TET1: variants seen among roughly 807,000 people sequenced by gnomAD.
The protein encoded by TET1 is methylcytosine dioxygenase TET1.
TET1 carries 13 observed loss-of-function variants against 148.7 expected under a neutral mutation model. The ratio of observed to expected loss-of-function variants is 0.09; its 90% CI spans 0.06 to 0.14. The LOEUF (loss-of-function observed/expected upper bound fraction) is 0.14, where lower values mean the gene tolerates loss of function less well. Among genes scored for constraint, TET1 ranks in the 10% least tolerant of loss-of-function variants. TET1 has a pLI of 1.00. For missense variants in TET1, 2,182 were observed against 2,553.8 expected (o/e 0.85, Z 3.14); for synonymous variants, 907 against 937.2 (o/e 0.97, Z 0.59).
rs1413222565 is a variant in TET1, at chr10:68,693,677, T to C, written c.*1863T>C. On this transcript the variant is annotated 3_prime_UTR_variant, in exon 12 of 12. Coordinates refer to ENST00000373644, the MANE Select transcript of TET1 (RefSeq NM_030625.3). ...ATTTCCGTTTTAAGACATGTATATTTTTGTGAGCCTAAGGTTTCTTATATA... is the reference window on the plus strand; with the variant it reads ...ATTTCCGTTTTAAGACATGTATATTCTTGTGAGCCTAAGGTTTCTTATATA... 4.3e-5 allele frequency: 10 copies of C among 232,054 alleles called. No homozygotes were observed. Among genetic ancestry groups the C allele is most frequent in the Non-Finnish European group, 5.1e-5 (6 of 117,460 alleles). 14.4% of individuals were successfully genotyped at this position (232,054 alleles called of 1,614,324 possible). A position where few individuals can be genotyped will look rare whatever the true frequency, so the allele number is the denominator to read the frequency against.
chr10:68,585,868 C>T (rs1183726633), intron 2 of TET1, among the ~76,000 whole-genome samples: 1 of 151,834 alleles, frequency 6.6e-6, no homozygotes, highest in African/African-American at 2.4e-5. Flanking sequence ...ATTAGCCAGG[C>T]ATGGTGGTGT....
chr10:68,597,807 C>A (rs961343331), intron 2 of TET1, among the ~76,000 whole-genome samples: 4 of 151,950 alleles, frequency 2.6e-5, no homozygotes, highest in African/African-American at 9.7e-5. Context: ...ATGGATGAAC[C>A]TTGTAAATAT....
intron 11 of TET1, among the ~76,000 whole-genome samples, chr10:68,687,997 C>A (rs147512676): frequency 3.0e-4 from 46 of 152,120 alleles, no homozygotes; most frequent in African/African-American, 1.0e-3. Context: ...TTCACAGACA[C>A]AATCATAGCA....
intron 2 of TET1, among the ~76,000 whole-genome samples, chr10:68,599,653 C>A (rs1040124270): frequency 6.6e-6 from 1 of 152,164 alleles, no homozygotes; most frequent in Non-Finnish European, 1.5e-5. Context: ...TGGGTGGTTC[C>A]GTCTGACCGC....
At chr10:68,674,525 T>C (rs1713336129) in intron 8 of TET1, 4 of 510,396 alleles carry the variant, frequency 7.8e-6, no homozygotes, top group Non-Finnish European at 1.5e-5. Flanking sequence ...TTGAAGTGAG[T>C]CTTGCTGATA....
At chr10:68,608,059 G>T (rs1005886226) in intron 3 of TET1, among the ~76,000 whole-genome samples, 1 of 151,118 alleles carries the variant, frequency 6.6e-6, no homozygotes, top group Non-Finnish European at 1.5e-5. Context: ...CTCCGGAGTA[G>T]CTGGGACTAC....
At chr10:68,661,196 A>ATTTTT (rs974912892) in intron 6 of TET1, among the ~76,000 whole-genome samples, 21 of 78,602 alleles carry the variant, frequency 2.7e-4, no homozygotes, top group African/African-American at 1.0e-3. Flanking sequence ...CGCCTGGCTA[A>ATTTTT]TTTTTTTTTT....
chr10:68,672,449 C>T (rs1438884757), intron 7 of TET1, among the ~76,000 whole-genome samples: 3 of 116,818 alleles, frequency 2.6e-5, no homozygotes, highest in African/African-American at 3.4e-5. Context: ...GATTGTGCCA[C>T]GGCAATCCAC....
At chr10:68,576,185 T>C (rs1399753270) in intron 2 of TET1, among the ~76,000 whole-genome samples, 1 of 151,980 alleles carries the variant, frequency 6.6e-6, no homozygotes, top group African/African-American at 2.4e-5. Context: ...ACCCCATCTC[T>C]ACTAACAATA....
At chr10:68,678,239 T>TG (rs1313505963) in intron 8 of TET1, among the ~76,000 whole-genome samples, 1 of 151,950 alleles carries the variant, frequency 6.6e-6, no homozygotes, top group Non-Finnish European at 1.5e-5. Context: ...TTATATGGGG[T>TG]GGGGGGTTCA....
chr10:68,652,376 AG>A (rs1554808581), intron 5 of TET1, 124 bp from the exon 6 acceptor site: 2 of 402,710 alleles, frequency 5.0e-6, no homozygotes, highest in Non-Finnish European at 7.9e-6. Context: ...TAAATTACGA[AG>A]AGTGTCTAAT....
chr10:68,642,217 A>C (rs191666982), intron 3 of TET1, among the ~76,000 whole-genome samples: 1 of 152,208 alleles, frequency 6.6e-6, no homozygotes, highest in African/African-American at 2.4e-5. Flanking sequence ...GCTTCAGTCC[A>C]GCACTTCAAA....
At chr10:68,626,501 T>C (rs1235850042) in intron 3 of TET1, among the ~76,000 whole-genome samples, 1 of 151,806 alleles carries the variant, frequency 6.6e-6, no homozygotes, top group South Asian at 2.1e-4. Flanking sequence ...GCACCTGGCC[T>C]AGACATTTAT....
rs185462500 is a variant in TET1, at chr10:68,583,804, A to G, written c.1914+9552A>G. ...CGCGTGTCTGTAGTCCTAGCTACTC[A>G]GGAGGCTGAGGCAAGAGGATCGCTT... On this transcript the variant is annotated intron_variant, in intron 2 of 11. Coordinates refer to ENST00000373644, the MANE Select transcript of TET1 (RefSeq NM_030625.3). Among the ~76,000 whole-genome samples, 587 of 152,098 alleles carry G rather than the reference A, an allele frequency of 3.9e-3. 1 individual carries two copies. Among genetic ancestry groups the G allele is most frequent in the Non-Finnish European group, 7.0e-3 (474 of 67,988 alleles).
At chr10:68,563,757 C>G (rs1183795812) in intron 1 of TET1, among the ~76,000 whole-genome samples, 2 of 152,240 alleles carry the variant, frequency 1.3e-5, no homozygotes, top group Non-Finnish European at 2.9e-5. Flanking sequence ...TCTTGGCTTA[C>G]TACAACCTCT....
At chr10:68,568,611 C>T (rs2053632691) in intron 1 of TET1, among the ~76,000 whole-genome samples, 1 of 152,192 alleles carries the variant, frequency 6.6e-6, no homozygotes, top group African/African-American at 2.4e-5. Context: ...AGAGCTTCAT[C>T]TTATTTTGGG....
rs1216217639 is a variant in TET1 at position 68,623,079 on chromosome 10, T to G, written c.1969-21619T>G. Among the ~76,000 whole-genome samples, 3 of 152,198 alleles carry G rather than the reference T, an allele frequency of 2.0e-5. No individual in the cohort carries two copies. In the East Asian group the frequency reaches 5.8e-4, roughly 29 times the overall value. On this transcript the variant is annotated intron_variant, in intron 3 of 11. Transcript: ENST00000373644. Reference sequence around the variant, plus strand: ...CCTCTGTAAAATTACTGTTTCCCTTTGTAATTAACAAATATTAATATATTG... The same window carrying G: ...CCTCTGTAAAATTACTGTTTCCCTTGGTAATTAACAAATATTAATATATTG...
chr10:68,643,285 A>T (rs1381785915), intron 3 of TET1, among the ~76,000 whole-genome samples: 1 of 149,310 alleles, frequency 6.7e-6, no homozygotes, highest in Non-Finnish European at 1.5e-5. Flanking sequence ...AAAAAATGAA[A>T]GAAAGAAAGA....
chr10:68,591,913 A>G (rs1360168271), intron 2 of TET1, among the ~76,000 whole-genome samples: 6 of 150,128 alleles, frequency 4.0e-5, no homozygotes, highest in Non-Finnish European at 8.9e-5. Flanking sequence ...TCAAAAACAA[A>G]CAAACAAACA....
Sources: gnomAD v4.1 joint callset for allele counts (sites outside exome capture counted in the v4.1 genomes callset) on GRCh38, gnomAD v4.1.1 for gene constraint, MANE v1.5 for transcripts, NCBI Gene and HGNC (gene_info 2026-07-23, HGNC 2026-07-21) for gene names.